XKR6: variants seen among roughly 807,000 people sequenced by gnomAD.
The protein encoded by XKR6 is XK related 6.
In XKR6, 22 loss-of-function variants were observed where a neutral mutation model predicts 56.7. That is an observed-to-expected ratio of 0.39 (90% confidence interval 0.28 to 0.55). XKR6 has a LOEUF of 0.55. Among genes scored for constraint, XKR6 ranks in the 20% least tolerant of loss-of-function variants. The pLI is 0.66. For missense variants in XKR6, 852 were observed against 889.0 expected, an observed-to-expected ratio of 0.96 and a Z score of 0.53; for synonymous variants, 524 against 387.8, an observed-to-expected ratio of 1.35 and a Z score of -4.13.
chr8:11,013,197 A>T (rs942301992), intron 1 of XKR6, among the ~76,000 whole-genome samples: 52 of 152,196 alleles, frequency 3.4e-4, no homozygotes, highest in African/African-American at 1.2e-3. Flanking sequence ...CTATATCTTC[A>T]TTGTACAGAC....
chr8:10,953,543 A>C (rs1801790895), intron 1 of XKR6, among the ~76,000 whole-genome samples: 1 of 152,198 alleles, frequency 6.6e-6, no homozygotes, highest in Admixed American at 6.5e-5. Context: ...TAGCAATGCA[A>C]GAATGACCTA....
At chr8:10,980,035 C>T (rs1189068545) in intron 1 of XKR6, among the ~76,000 whole-genome samples, 4 of 152,216 alleles carry the variant, frequency 2.6e-5, no homozygotes, top group African/African-American at 7.2e-5. Context: ...ACATCTCTGT[C>T]CCAAGGAAAA....
chr8:11,046,548 C>T (rs1023945692), intron 1 of XKR6, among the ~76,000 whole-genome samples: 2 of 151,968 alleles, frequency 1.3e-5, no homozygotes, highest in East Asian at 1.9e-4. Flanking sequence ...AAGTGTTCAC[C>T]GGTGGATGAA....
intron 1 of XKR6, among the ~76,000 whole-genome samples, chr8:11,116,282 G>A (rs1160266353): frequency 6.6e-6 from 1 of 152,168 alleles, no homozygotes; most frequent in African/African-American, 2.4e-5. Flanking sequence ...TCCACTCTAA[G>A]TCTTAAACAT....
chr8:11,076,020 A>G (rs1800265413), intron 1 of XKR6, among the ~76,000 whole-genome samples: 1 of 152,230 alleles, frequency 6.6e-6, no homozygotes, highest in Admixed American at 6.5e-5. Flanking sequence ...CCATCCATCC[A>G]CTGGAATATT....
chr8:11,181,419 C>A (rs1802974859), intron 1 of XKR6, among the ~76,000 whole-genome samples: 1 of 152,172 alleles, frequency 6.6e-6, no homozygotes, highest in South Asian at 2.1e-4. Context: ...CCTTTTTATA[C>A]AAGCATATTA....
intron 1 of XKR6, among the ~76,000 whole-genome samples, chr8:11,066,470 G>A (rs1250660856): frequency 1.3e-5 from 2 of 152,194 alleles, no homozygotes; most frequent in Non-Finnish European, 2.9e-5. Context: ...CTGCCTCCTG[G>A]CAGGCTCTGC....
At chr8:11,171,808 T>G (rs982744182) in intron 1 of XKR6, among the ~76,000 whole-genome samples, 6 of 151,262 alleles carry the variant, frequency 4.0e-5, no homozygotes, top group African/African-American at 7.3e-5. Context: ...ATCCCAGCAC[T>G]TTGGGAGGCT....
intron 1 of XKR6, among the ~76,000 whole-genome samples, chr8:11,006,006 G>T (rs1798359872): frequency 6.6e-6 from 1 of 151,814 alleles, no homozygotes; most frequent in African/African-American, 2.4e-5. Context: ...ACCACGCCTG[G>T]ATAATTTTTG....
chr8:11,199,527 T>A (rs1478628218), intron 1 of XKR6, among the ~76,000 whole-genome samples: 1 of 152,200 alleles, frequency 6.6e-6, no homozygotes, highest in African/African-American at 2.4e-5. Flanking sequence ...TGTCCCTGTG[T>A]AATTTATCTT....
At chr8:11,003,344 A>G (rs947772052) in intron 1 of XKR6, among the ~76,000 whole-genome samples, 3 of 152,060 alleles carry the variant, frequency 2.0e-5, no homozygotes, top group African/African-American at 7.2e-5. Flanking sequence ...CATCACAGCC[A>G]TTCTCACCAT....
chr8:11,139,482 A>G (rs779737159), intron 1 of XKR6, among the ~76,000 whole-genome samples: 8 of 152,252 alleles, frequency 5.3e-5, no homozygotes, highest in Middle Eastern at 3.4e-3. Context: ...TCTTGCCAGC[A>G]GCTGCTACTA....
intron 2 of XKR6, among the ~76,000 whole-genome samples, chr8:10,915,821 G>T (rs1184659841): frequency 6.6e-6 from 1 of 152,236 alleles, no homozygotes; most frequent in Non-Finnish European, 1.5e-5. Context: ...GAGAGACCAA[G>T]CCCATGTTCT....
intron 1 of XKR6, among the ~76,000 whole-genome samples, chr8:10,998,177 C>A (rs1798157779): frequency 6.6e-6 from 1 of 152,076 alleles, no homozygotes; most frequent in African/African-American, 2.4e-5. Context: ...CTAAGATCAC[C>A]CCTTCTCCCA....
At chr8:11,134,697 C>G (rs190183897) in intron 1 of XKR6, among the ~76,000 whole-genome samples, 1 of 151,942 alleles carries the variant, frequency 6.6e-6, no homozygotes. Flanking sequence ...AATACACACA[C>G]GCACACACAC....
At chr8:11,143,119 C>G (rs1210864390) in intron 1 of XKR6, among the ~76,000 whole-genome samples, 1 of 151,948 alleles carries the variant, frequency 6.6e-6, no homozygotes, top group Non-Finnish European at 1.5e-5. Flanking sequence ...AGTCAAATAC[C>G]ACCATTTTAC....
intron 1 of XKR6, among the ~76,000 whole-genome samples, chr8:11,122,173 A>T (rs753238216): frequency 2.0e-5 from 3 of 152,250 alleles, no homozygotes; most frequent in Non-Finnish European, 4.4e-5. Flanking sequence ...CTCCAAGCCC[A>T]GCTCCTTTGA....
rs745616432 is a variant in XKR6 at position 10,911,199 on chromosome 8, C to CGTGTGT, written c.962-12289_962-12284dup. On this transcript the variant is annotated intron_variant, in intron 2 of 2. Transcript: ENST00000416569. Reference sequence around the variant, plus strand: ...TATATACATATAGAGAGAGGGTGTGCGTGTGTGTGTGTGTGTGTGTGTGTG... The same window carrying CGTGTGT: ...TATATACATATAGAGAGAGGGTGTGCGTGTGTGTGTGTGTGTGTGTGTGTGTGTGTG... Among the ~76,000 whole-genome samples, 939 of 126,322 alleles carry CGTGTGT rather than the reference C, an allele frequency of 7.4e-3. 12 individuals are homozygous for CGTGTGT. Among genetic ancestry groups the CGTGTGT allele is most frequent in the East Asian group, 0.056 (207 of 3,692 alleles). The allele number at this position is 126,322 out of a possible 152,430, so 82.9% of individuals were successfully genotyped here.
At chr8:11,132,086 G>A (rs1800131222) in intron 1 of XKR6, among the ~76,000 whole-genome samples, 1 of 152,072 alleles carries the variant, frequency 6.6e-6, no homozygotes, top group Admixed American at 6.6e-5. Context: ...GCACTCCACT[G>A]ACCCGAGATT....
Sources: allele counts gnomAD v4.1 joint callset (sites outside exome capture counted in the v4.1 genomes callset), GRCh38; gene constraint gnomAD v4.1.1; transcripts MANE v1.5; gene names NCBI Gene and HGNC (gene_info 2026-07-23, HGNC 2026-07-21).